Variants in SRPK2 observed in about 807,000 individuals in gnomAD.
SRPK2 encodes SRSF protein kinase 2.
SRPK2 carries 21 observed loss-of-function variants against 90.8 expected under a neutral mutation model. That is an observed-to-expected ratio of 0.23 (90% CI 0.16 to 0.33). The LOEUF (loss-of-function observed/expected upper bound fraction) is 0.33. SRPK2 is among the 10% of genes least tolerant of loss of function. The pLI is 1.00. For synonymous variants in SRPK2, 288 were observed against 311.1 expected (o/e 0.93, Z 0.78); for missense variants, 620 against 869.0 (o/e 0.71, Z 3.60).
chr7:105,236,010 A>C (rs2299315), intron 2 of SRPK2, among the ~76,000 whole-genome samples: 27,612 of 152,062 alleles, frequency 0.18, 3,136 homozygotes, highest in East Asian at 0.58. Context: ...ATAGGCCTGA[A>C]TAAGATCTGT....
intron 1 of SRPK2, among the ~76,000 whole-genome samples, chr7:105,396,845 AGAGGGAGG>A (rs200348796): frequency 7.8e-4 from 114 of 146,984 alleles, no homozygotes; most frequent in Middle Eastern, 3.4e-3. Flanking sequence ...AGAAAGAAAT[AGAGGGAGG>A]GAGGAAGGGA....
rs922301338 is a variant in SRPK2, at chr7:105,117,408, T to C, written c.*430A>G. 3.7e-5 allele frequency: 7 copies of C among 187,298 alleles called. No individual in the cohort carries two copies. The highest frequency in any genetic ancestry group is 7.6e-5 in the Non-Finnish European group (7 of 91,512). The allele number at this position is 187,298 out of a possible 1,614,324, so 11.6% of individuals were successfully genotyped here. A position where few individuals can be genotyped will look rare whatever the true frequency, so the allele number is the denominator to read the frequency against. ...GATGTCCCTTTGCCAGAAGATAAAA[T>C]TGTACATTTCCTTGCTATTTCTTGG... On this transcript the variant is annotated 3_prime_UTR_variant, in exon 16 of 16. Coordinates refer to ENST00000393651, the MANE Select transcript of SRPK2 (RefSeq NM_182692.3).
chr7:105,340,837 G>C (rs1488533003), intron 2 of SRPK2, among the ~76,000 whole-genome samples: 1 of 152,120 alleles, frequency 6.6e-6, no homozygotes, highest in Non-Finnish European at 1.5e-5. Context: ...AAGAGAATCA[G>C]AATTTCTTAA....
intron 6 of SRPK2, among the ~76,000 whole-genome samples, chr7:105,165,696 C>T (rs1010522304): frequency 4.6e-5 from 7 of 152,202 alleles, no homozygotes; most frequent in African/African-American, 1.4e-4. Context: ...ATGGACCAAT[C>T]GGCAGGTCCA....
chr7:105,362,313 A>G (rs1413488922), intron 2 of SRPK2, among the ~76,000 whole-genome samples: 2 of 152,156 alleles, frequency 1.3e-5, no homozygotes, highest in East Asian at 3.9e-4. Context: ...CGATCATTAA[A>G]AAGTCAGGAA....
chr7:105,285,402 A>AC (rs1807953865), intron 2 of SRPK2, among the ~76,000 whole-genome samples: 1 of 109,834 alleles, frequency 9.1e-6, no homozygotes, highest in Non-Finnish European at 2.1e-5. Flanking sequence ...AAAAAAAAAA[A>AC]AAAAAGGAAA....
At chr7:105,213,057 G>A (rs1269042780) in intron 2 of SRPK2, among the ~76,000 whole-genome samples, 2 of 152,142 alleles carry the variant, frequency 1.3e-5, no homozygotes, top group Non-Finnish European at 1.5e-5. Context: ...TCAAGGACTT[G>A]AGCATCCATG....
intron 2 of SRPK2, among the ~76,000 whole-genome samples, chr7:105,328,914 C>T (rs1813935930): frequency 6.6e-6 from 1 of 151,140 alleles, no homozygotes; most frequent in Non-Finnish European, 1.5e-5. Context: ...GATGCAGTGA[C>T]ATGTACCTGT....
At chr7:105,126,564 G>A (rs1424969555) in intron 14 of SRPK2, among the ~76,000 whole-genome samples, 2 of 152,160 alleles carry the variant, frequency 1.3e-5, no homozygotes, top group South Asian at 2.1e-4. Context: ...CCCCAGCATC[G>A]CAAGCAAATA....
intron 3 of SRPK2, among the ~76,000 whole-genome samples, chr7:105,180,320 T>C (rs1433779082): frequency 6.6e-6 from 1 of 152,044 alleles, no homozygotes. Flanking sequence ...AAACAAGCAA[T>C]GGGGAATGGA....
At chr7:105,328,838 C>T (rs980855843) in intron 2 of SRPK2, among the ~76,000 whole-genome samples, 4 of 147,078 alleles carry the variant, frequency 2.7e-5, no homozygotes, top group Non-Finnish European at 4.5e-5. Context: ...GCACTCCAGC[C>T]TGGGTGACAG....
At chr7:105,361,720 G>A (rs1296258058) in intron 2 of SRPK2, among the ~76,000 whole-genome samples, 1 of 152,104 alleles carries the variant, frequency 6.6e-6, no homozygotes, top group Non-Finnish European at 1.5e-5. Context: ...AACAAGCAAT[G>A]GGGAAAGCAT....
chr7:105,296,856 G>A (rs772071929), intron 2 of SRPK2, among the ~76,000 whole-genome samples: 11 of 152,146 alleles, frequency 7.2e-5, no homozygotes, highest in Non-Finnish European at 1.2e-4. Flanking sequence ...TTTTACAGAA[G>A]AGAAAACTAA....
At chr7:105,396,965 G>A (rs1399279239) in intron 1 of SRPK2, among the ~76,000 whole-genome samples, 1 of 152,006 alleles carries the variant, frequency 6.6e-6, no homozygotes, top group African/African-American at 2.4e-5. Flanking sequence ...AATGTAGAGT[G>A]ACATTTTATT....
At chr7:105,182,442 T>C (rs1002755689) in intron 3 of SRPK2, among the ~76,000 whole-genome samples, 31 of 136,914 alleles carry the variant, frequency 2.3e-4, no homozygotes, top group African/African-American at 8.1e-4. Context: ...TGACTTTGTT[T>C]CCCCCCCCGC....
At chr7:105,234,814 C>CA (rs1217837693) in intron 2 of SRPK2, among the ~76,000 whole-genome samples, 2 of 152,020 alleles carry the variant, frequency 1.3e-5, no homozygotes, top group Non-Finnish European at 2.9e-5. Context: ...AAAAAAGGTT[C>CA]AGTGTGGGTA....
chr7:105,217,159 C>T (rs1265386859), intron 2 of SRPK2, among the ~76,000 whole-genome samples: 1 of 152,208 alleles, frequency 6.6e-6, no homozygotes, highest in Non-Finnish European at 1.5e-5. Flanking sequence ...CTGCAAAGGT[C>T]AACATCGATC....
intron 2 of SRPK2, among the ~76,000 whole-genome samples, chr7:105,337,945 GA>G (rs1554514789): frequency 6.6e-6 from 1 of 150,990 alleles, no homozygotes; most frequent in Non-Finnish European, 1.5e-5. Flanking sequence ...TTGCAAAAAA[GA>G]AAAAAAATGG....
chr7:105,384,027 G>C (rs1253246932), intron 2 of SRPK2, among the ~76,000 whole-genome samples: 1 of 152,108 alleles, frequency 6.6e-6, no homozygotes, highest in Non-Finnish European at 1.5e-5. Context: ...AAATGTTATA[G>C]AATTAGATAA....
Sources: allele counts gnomAD v4.1 joint callset (sites outside exome capture counted in the v4.1 genomes callset), GRCh38; gene constraint gnomAD v4.1.1; transcripts MANE v1.5; gene names NCBI Gene and HGNC (gene_info 2026-07-23, HGNC 2026-07-21).